The following PCDHA11 variants were observed in gnomAD, a reference collection of about 807,000 sequenced individuals.
The protein encoded by PCDHA11 is protocadherin alpha 11.
Under a neutral mutation model 70.3 loss-of-function variants are expected in PCDHA11, and 61 were observed. The ratio of observed to expected loss-of-function variants is 0.87; its 90% confidence interval spans 0.71 to 1.07. PCDHA11 has a LOEUF of 1.07. Ranked by LOEUF, PCDHA11 falls within the 50% of genes least tolerant of loss-of-function variation. PCDHA11 has a pLI of 0.00. For missense variants in PCDHA11, 1,324 were observed against 1,237.5 expected, an observed-to-expected ratio of 1.07 and a Z score of -1.05; for synonymous variants, 633 against 555.1, an observed-to-expected ratio of 1.14 and a Z score of -1.97.
chr5:140,881,218 T>G (rs997488208), intron 1 of PCDHA11: 10 of 230,756 alleles, frequency 4.3e-5, no homozygotes, highest in Non-Finnish European at 6.4e-5. Flanking sequence ...TGTTGTTTCT[T>G]GGAAAATTAA....
At chr5:140,970,247 C>T (rs551216649) in intron 1 of PCDHA11, among the ~76,000 whole-genome samples, 1 of 152,290 alleles carries the variant, frequency 6.6e-6, no homozygotes, top group East Asian at 1.9e-4. Context: ...TTTCTGTTGA[C>T]AGTTTCTATG....
At chr5:141,005,332 A>G (rs1479899678) in intron 3 of PCDHA11, among the ~76,000 whole-genome samples, 2 of 152,188 alleles carry the variant, frequency 1.3e-5, no homozygotes, top group Non-Finnish European at 2.9e-5. Context: ...ATAATAGGCC[A>G]AGGGGGTGCT....
At chr5:140,910,794 T>A (rs1431401808) in intron 1 of PCDHA11, among the ~76,000 whole-genome samples, 5 of 152,166 alleles carry the variant, frequency 3.3e-5, no homozygotes, top group Non-Finnish European at 7.3e-5. Flanking sequence ...AAATGCAGAA[T>A]CCCTGCTTAG....
intron 3 of PCDHA11, among the ~76,000 whole-genome samples, chr5:141,004,289 CAG>C (rs1383902638): frequency 1.3e-5 from 2 of 152,130 alleles, no homozygotes; most frequent in Non-Finnish European, 2.9e-5. Context: ...GCTGAGCTCT[CAG>C]AGATGTTTGT....
intron 1 of PCDHA11, among the ~76,000 whole-genome samples, chr5:140,961,208 A>T (rs1268712075): frequency 1.3e-5 from 2 of 152,164 alleles, no homozygotes; most frequent in African/African-American, 4.8e-5. Flanking sequence ...GTTGGTATTG[A>T]TGAAGAAACT....
In PCDHA11 at chr5:140,870,728, C is replaced by G. The variant is rs531202250; in HGVS notation, c.1625C>G (p.Pro542Arg). Residue 542 changes from proline (P) to arginine (R), a missense_variant, in exon 1 of 4, where the codon CCG becomes CGG. Physicochemically the swap from Pro to Arg is moderately radical, Grantham distance 103. Transcript: ENST00000398640. Reference sequence around the variant, plus strand: ...GTGAGCGCGCGCGATGCGGGCGTGCCGCCTCTGAGCAGCAACGTGACGCTG... The same window carrying G: ...GTGAGCGCGCGCGATGCGGGCGTGCGGCCTCTGAGCAGCAACGTGACGCTG... ...FQVSARDAGV[P>R]PLSSNVTLQV... The G allele has an allele frequency of 5.0e-6, 8 of 1,613,220 alleles. No individual in the cohort carries two copies. The East Asian group carries it at 6.7e-5, about 13-fold the overall frequency.
At chr5:140,982,348 T>A (rs1253085859) in intron 2 of PCDHA11, 127 bp from the exon 3 acceptor site, 1 of 1,496,080 alleles carries the variant, frequency 6.7e-7, no homozygotes, top group East Asian at 2.4e-5. Flanking sequence ...TTGCTTCAGT[T>A]CAAGCATGAG....
chr5:140,887,224 G>A (rs1554182948), intron 1 of PCDHA11, among the ~76,000 whole-genome samples: 1 of 151,812 alleles, frequency 6.6e-6, no homozygotes, highest in Non-Finnish European at 1.5e-5. Context: ...AGCCTCCCGA[G>A]TAGCTGAGAC....
chr5:141,002,356 C>G (rs2098075572), intron 3 of PCDHA11, among the ~76,000 whole-genome samples: 1 of 152,272 alleles, frequency 6.6e-6, no homozygotes, highest in Non-Finnish European at 1.5e-5. Flanking sequence ...CACCTCCACT[C>G]CTTTCAACTC....
In PCDHA11 at chr5:141,011,594, T is replaced by C. The variant is rs2098421156; in HGVS notation, c.*1657T>C. 6.5e-6 allele frequency: 1 copy of C among 153,764 alleles called. No homozygotes were observed. Among genetic ancestry groups the C allele is most frequent in the East Asian group, 1.9e-4 (1 of 5,202 alleles). The allele number at this position is 153,764 out of a possible 1,614,324, so 9.5% of individuals were successfully genotyped here. On this transcript the variant is annotated 3_prime_UTR_variant, in exon 4 of 4. Coordinates refer to ENST00000398640, the MANE Select transcript of PCDHA11 (RefSeq NM_018902.5). ...TTTCTTAAATCAAGATACTGGTGAT[T>C]CAAGGAATTTTATTTATGGTCCAGC...
At chr5:140,977,140 G>A (rs2096748068) in intron 1 of PCDHA11, among the ~76,000 whole-genome samples, 1 of 152,202 alleles carries the variant, frequency 6.6e-6, no homozygotes, top group Non-Finnish European at 1.5e-5. Context: ...GGTCAGTCCT[G>A]CTGGAACTGT....
intron 1 of PCDHA11, among the ~76,000 whole-genome samples, chr5:140,937,761 A>C (rs868923892): frequency 6.6e-6 from 1 of 151,650 alleles, no homozygotes; most frequent in Non-Finnish European, 1.5e-5. Flanking sequence ...AAATACAAAA[A>C]ATTAGTCGGG....
chr5:140,907,235 T>C, intron 1 of PCDHA11, among the ~76,000 whole-genome samples: 1 of 152,234 alleles, frequency 6.6e-6, no homozygotes, highest in East Asian at 1.9e-4. Context: ...TGTCACCTAG[T>C]TGACATTGTA....
chr5:140,969,051 A>T (rs908108421), intron 1 of PCDHA11: 3 of 1,614,062 alleles, frequency 1.9e-6, no homozygotes, highest in Non-Finnish European at 1.7e-6. Context: ...CAAGCCAACA[A>T]CAATATTGAT....
chr5:140,884,334 C>T (rs1405987385), intron 1 of PCDHA11: 1 of 1,613,746 alleles, frequency 6.2e-7, no homozygotes, highest in Non-Finnish European at 8.5e-7. Context: ...GCTGTGGGTC[C>T]AGAAGCGGCG....
At chr5:140,987,007 A>T (rs2097221901) in intron 3 of PCDHA11, among the ~76,000 whole-genome samples, 1 of 152,144 alleles carries the variant, frequency 6.6e-6, no homozygotes, top group Non-Finnish European at 1.5e-5. Context: ...TGAGGTCATG[A>T]GTTCGAGACC....
intron 1 of PCDHA11, chr5:140,928,289 G>C (rs1554205708): frequency 6.2e-7 from 1 of 1,614,170 alleles, no homozygotes; most frequent in Non-Finnish European, 8.5e-7. Flanking sequence ...TCTCTAGGCC[G>C]AGTGTTTGCC....
At chr5:140,965,143 G>A (rs1451263269) in intron 1 of PCDHA11, among the ~76,000 whole-genome samples, 1 of 152,230 alleles carries the variant, frequency 6.6e-6, no homozygotes, top group Admixed American at 6.5e-5. Context: ...AGAATACTGG[G>A]AGATGAAGAG....
At chr5:140,894,140 C>T (rs1004427236) in intron 1 of PCDHA11, among the ~76,000 whole-genome samples, 2 of 151,956 alleles carry the variant, frequency 1.3e-5, no homozygotes, top group Admixed American at 6.6e-5. Context: ...GAAATAATTC[C>T]CTTCTATGTA....
Sources: allele counts gnomAD v4.1 joint callset (sites outside exome capture counted in the v4.1 genomes callset), GRCh38; gene constraint gnomAD v4.1.1; transcripts MANE v1.5; gene names NCBI Gene and HGNC (gene_info 2026-07-23, HGNC 2026-07-21).